RAB11FIP4: variants seen among roughly 807,000 people sequenced by gnomAD.
The protein encoded by RAB11FIP4 is rab11 family-interacting protein 4.
RAB11FIP4 carries 23 observed loss-of-function variants against 74.3 expected under a neutral mutation model. The observed-to-expected ratio is 0.31, with a 90% CI of 0.22 to 0.44. The LOEUF (loss-of-function observed/expected upper bound fraction) is 0.44. Ranked by LOEUF, RAB11FIP4 falls within the 20% of genes least tolerant of loss-of-function variation. The pLI is 1.00. For synonymous variants in RAB11FIP4, 360 were observed against 359.9 expected, an observed-to-expected ratio of 1.00 and a Z score of 0.00; for missense variants, 630 against 863.9, an observed-to-expected ratio of 0.73 and a Z score of 3.39.
intron 3 of RAB11FIP4, among the ~76,000 whole-genome samples, chr17:31,481,451 G>A (rs1381239679): frequency 2.6e-5 from 4 of 152,140 alleles, no homozygotes; most frequent in African/African-American, 9.7e-5. Flanking sequence ...TGAGTTAATA[G>A]CCAATCAGAG....
intron 3 of RAB11FIP4, among the ~76,000 whole-genome samples, chr17:31,450,276 T>A (rs983439999): frequency 6.6e-6 from 1 of 151,432 alleles, no homozygotes; most frequent in African/African-American, 2.4e-5. Context: ...TCCTCCTACC[T>A]CTCAGGCTGC....
chr17:31,523,685 C>T, intron 8 of RAB11FIP4, 74 bp downstream of exon 8: 1 of 1,423,846 alleles, frequency 7.0e-7, no homozygotes, highest in Non-Finnish European at 9.9e-7. Context: ...ACTCAGGCTA[C>T]TGTCTGGGGA....
chr17:31,450,008 A>G (rs899877343), intron 3 of RAB11FIP4, among the ~76,000 whole-genome samples: 2 of 152,198 alleles, frequency 1.3e-5, no homozygotes, highest in Non-Finnish European at 2.9e-5. Flanking sequence ...CATTTTGGGA[A>G]CACTCGATAG....
In RAB11FIP4 at chr17:31,512,238, C is replaced by G. The variant is rs2072465008; in HGVS notation, c.337-5413C>G. ...TCAGAATTTACGGCTCCTACCGTGACCGACTCTCCGGTGTAAATTGTCACG... is the reference window on the plus strand; with the variant it reads ...TCAGAATTTACGGCTCCTACCGTGAGCGACTCTCCGGTGTAAATTGTCACG... On this transcript the variant is annotated intron_variant, in intron 3 of 14. Transcript: ENST00000621161. The surrounding 1 kb of genome is among the most constrained non-coding windows in gnomAD (Gnocchi z 4.1). 6.6e-6 allele frequency among the ~76,000 whole-genome samples: 1 copy of G among 152,186 alleles called. No individual in the cohort carries two copies. Among genetic ancestry groups the G allele is most frequent in the Non-Finnish European group, 1.5e-5 (1 of 68,038 alleles).
chr17:31,468,445 C>T (rs2071706241), intron 3 of RAB11FIP4, among the ~76,000 whole-genome samples: 1 of 152,176 alleles, frequency 6.6e-6, no homozygotes, highest in Non-Finnish European at 1.5e-5. Flanking sequence ...TCAGCCTTCT[C>T]ATATGCGAAA....
chr17:31,422,857 CTT>C (rs1282020622), intron 1 of RAB11FIP4, among the ~76,000 whole-genome samples: 1 of 149,424 alleles, frequency 6.7e-6, no homozygotes, highest in Non-Finnish European at 1.5e-5. Context: ...TTTTTAAAGT[CTT>C]TGTCTAATAA....
intron 1 of RAB11FIP4, among the ~76,000 whole-genome samples, chr17:31,412,574 T>G (rs2071108373): frequency 6.6e-6 from 1 of 152,206 alleles, no homozygotes; most frequent in African/African-American, 2.4e-5. Flanking sequence ...ACTGGAACCT[T>G]AATCCCCATC....
At chr17:31,459,867 G>A (rs989331198) in intron 3 of RAB11FIP4, among the ~76,000 whole-genome samples, 3 of 152,256 alleles carry the variant, frequency 2.0e-5, no homozygotes, top group Non-Finnish European at 2.9e-5. Context: ...CACAGGGGTG[G>A]CTGGGACTTT....
chr17:31,461,416 A>C (rs980558536), intron 3 of RAB11FIP4, among the ~76,000 whole-genome samples: 12 of 152,158 alleles, frequency 7.9e-5, no homozygotes, highest in African/African-American at 2.9e-4. Context: ...TGGATGCTCA[A>C]ATAAAAATGC....
At position 31,525,938 on chromosome 17, in the gene RAB11FIP4, T is replaced by C. The variant is rs142451664; in HGVS notation, c.1274+708T>C. On this transcript the variant is annotated intron_variant, in intron 10 of 14. Transcript: ENST00000621161. ...AGGCCCCCTGAGGCCCCAGTCTCCA[T>C]GCTGAGGCTTCCCAGAGTTGCCGAG... is the stretch of plus-strand genomic sequence containing the variant. The C allele has an allele frequency of 1.8e-4, 27 of 152,348 alleles. 1 individual carries two copies. Among genetic ancestry groups the C allele is most frequent in the African/African-American group, 6.3e-4 (26 of 41,586 alleles). The allele number at this position is 152,348 out of a possible 1,614,324, so 9.4% of individuals were successfully genotyped here.
chr17:31,515,924 T>G (rs1024533546), intron 3 of RAB11FIP4, among the ~76,000 whole-genome samples: 10 of 152,330 alleles, frequency 6.6e-5, no homozygotes, highest in Middle Eastern at 3.4e-3. Context: ...ACTGTCATTA[T>G]GCTGGGCCCC....
chr17:31,449,814 T>G (rs1393813555), intron 3 of RAB11FIP4, among the ~76,000 whole-genome samples: 4 of 152,098 alleles, frequency 2.6e-5, no homozygotes, highest in Non-Finnish European at 5.9e-5. Flanking sequence ...CAAGCAATCC[T>G]CCAATCTCAG....
At chr17:31,398,131 G>C (rs114592171) in intron 1 of RAB11FIP4, among the ~76,000 whole-genome samples, 5,264 of 151,908 alleles carry the variant, frequency 0.035, 337 homozygotes, top group African/African-American at 0.12. Context: ...CTCCAACTCC[G>C]GGGTTCAAGC....
At chr17:31,488,404 G>A (rs1297863381) in intron 3 of RAB11FIP4, 9 of 992,862 alleles carry the variant, frequency 9.1e-6, no homozygotes, top group Non-Finnish European at 1.1e-5. Context: ...GAGCCATCTC[G>A]TTCGGCCGCG....
chr17:31,479,248 T>C (rs1308200326), intron 3 of RAB11FIP4, among the ~76,000 whole-genome samples: 1 of 152,182 alleles, frequency 6.6e-6, no homozygotes, highest in Non-Finnish European at 1.5e-5. Flanking sequence ...AGGTTCCCAT[T>C]AGGTAGAGGA....
intron 1 of RAB11FIP4, among the ~76,000 whole-genome samples, chr17:31,411,335 G>C (rs995476684): frequency 2.6e-5 from 4 of 152,216 alleles, no homozygotes; most frequent in African/African-American, 9.6e-5. Flanking sequence ...CTTCACTCCA[G>C]CCTGGGCGAC....
intron 3 of RAB11FIP4, among the ~76,000 whole-genome samples, chr17:31,449,261 C>T (rs1473381449): frequency 6.6e-6 from 1 of 152,104 alleles, no homozygotes; most frequent in Non-Finnish European, 1.5e-5. Context: ...ATCCCAGCCC[C>T]TCCTGCCAAC....
At chr17:31,486,668 GC>G (rs1233109980) in intron 3 of RAB11FIP4, among the ~76,000 whole-genome samples, 1 of 152,218 alleles carries the variant, frequency 6.6e-6, no homozygotes, top group African/African-American at 2.4e-5. Flanking sequence ...TCTGGCCTCT[GC>G]ACATATATCT....
chr17:31,444,687 T>C (rs890647431), intron 3 of RAB11FIP4, among the ~76,000 whole-genome samples: 8 of 152,152 alleles, frequency 5.3e-5, no homozygotes, highest in African/African-American at 1.7e-4. Flanking sequence ...ACTCACCAAG[T>C]TAGAGCTTGA....
Sources: allele counts gnomAD v4.1 joint callset (sites outside exome capture counted in the v4.1 genomes callset), GRCh38; gene constraint gnomAD v4.1.1; non-coding constraint Gnocchi (gnomAD v3.1); transcripts MANE v1.5; gene names NCBI Gene and HGNC (gene_info 2026-07-23, HGNC 2026-07-21).